Variants in CSK observed in about 807,000 individuals in gnomAD.
CSK encodes C-terminal Src kinase, also known as tyrosine-protein kinase CSK.
CSK carries 7 observed loss-of-function variants against 62.3 expected under a neutral mutation model. The ratio of observed to expected loss-of-function variants is 0.11; its 90% confidence interval spans 0.06 to 0.21. The LOEUF is 0.21. Among genes scored for constraint, CSK ranks in the 10% least tolerant of loss-of-function variants. The pLI is 1.00. For missense variants in CSK, 294 were observed against 613.5 expected (o/e 0.48, Z 5.50); for synonymous variants, 237 against 246.0 (o/e 0.96, Z 0.34).
At chr15:74,801,365 A>G (rs1048771822) in intron 9 of CSK, among the ~76,000 whole-genome samples, 157 bp from the exon 10 acceptor site, 4 of 152,140 alleles carry the variant, frequency 2.6e-5, no homozygotes, top group African/African-American at 9.7e-5. Context: ...CATGAATAAC[A>G]CAGAGCAGTG....
At chr15:74,801,921 G>A (rs1188722635) in intron 11 of CSK, 31 bp downstream of exon 11, 3 of 1,609,370 alleles carry the variant, frequency 1.9e-6, no homozygotes, top group South Asian at 1.1e-5. Flanking sequence ...GGCCTACAGA[G>A]GTGGGCAGGA....
intron 1 of CSK, among the ~76,000 whole-genome samples, chr15:74,791,353 T>C (rs1355288971): frequency 6.6e-6 from 1 of 152,238 alleles, no homozygotes; most frequent in Admixed American, 6.5e-5. Context: ...ATTTGCCAGT[T>C]CTTAACATTT....
intron 6 of CSK, 72 bp downstream of exon 6, chr15:74,800,577 C>T (rs1596373057): frequency 6.4e-7 from 1 of 1,554,048 alleles, no homozygotes; most frequent in Non-Finnish European, 8.7e-7. Flanking sequence ...ACTGCCCCAT[C>T]CAGGAACCTC....
intron 12 of CSK, 36 bp from the exon 13 acceptor site, chr15:74,802,295 G>C (rs1297808982): frequency 6.5e-7 from 1 of 1,542,584 alleles, no homozygotes; most frequent in East Asian, 2.3e-5. Context: ...TCTGAGGCCA[G>C]GGCCTGGACT....
chr15:74,786,016 TGTGTG>T (rs2063516105), intron 1 of CSK, among the ~76,000 whole-genome samples: 2 of 124,330 alleles, frequency 1.6e-5, no homozygotes, highest in Admixed American at 8.1e-5. Flanking sequence ...TTTTTTTTTG[TGTGTG>T]TGTGTGTGTG....
intron 1 of CSK, chr15:74,797,963 C>G (rs1201315402): frequency 8.2e-6 from 2 of 242,490 alleles, no homozygotes; most frequent in Admixed American, 1.0e-4. Flanking sequence ...TGTCCATTGT[C>G]CCACTAGCCC....
Position 74,783,157 on chromosome 15 carries a change from T to C in CSK, c.-66+437T>C, listed in dbSNP as rs575484924. ...ATTACCCCACCATGACCCTGCGGGC[T>C]GCAAGCAAGCCCAGGGCCCAGCCAC... On this transcript the variant is annotated intron_variant, in intron 1 of 12. Transcript: ENST00000220003. Among the ~76,000 whole-genome samples, 5 of 152,308 alleles carry C rather than the reference T, an allele frequency of 3.3e-5. No individual in the cohort carries two copies. The South Asian group carries it at 8.3e-4, about 25-fold the overall frequency.
chr15:74,792,001 T>C (rs1341447890), intron 1 of CSK, among the ~76,000 whole-genome samples: 1 of 152,200 alleles, frequency 6.6e-6, no homozygotes, highest in African/African-American at 2.4e-5. Flanking sequence ...CCCTGGCAAC[T>C]TTTTCTTCAA....
At chr15:74,788,059 G>A (rs2063551976) in intron 1 of CSK, among the ~76,000 whole-genome samples, 2 of 152,208 alleles carry the variant, frequency 1.3e-5, no homozygotes, top group South Asian at 4.1e-4. Flanking sequence ...GTGGGCTGGG[G>A]CAGCCTGGAG....
chr15:74,785,875 G>A (rs1031169175), intron 1 of CSK, among the ~76,000 whole-genome samples: 2 of 152,130 alleles, frequency 1.3e-5, no homozygotes, highest in African/African-American at 4.8e-5. Flanking sequence ...GGCTGGCCTA[G>A]GACATGGGGC....
rs2063792564 is a variant in CSK, at chr15:74,801,511, C to G, written c.814-11C>G. ...TCTGACCTCGGCCTGGTCTGTCCTTCCTGCCCCCAGGGGAGCCTTGTGGAC... is the reference window on the plus strand; with the variant it reads ...TCTGACCTCGGCCTGGTCTGTCCTTGCTGCCCCCAGGGGAGCCTTGTGGAC... On this transcript the variant is annotated splice_polypyrimidine_tract_variant and intron_variant, in intron 9 of 12. Coordinates refer to ENST00000220003, the MANE Select transcript of CSK (RefSeq NM_004383.3). 1 of 1,609,844 alleles carries G rather than the reference C, an allele frequency of 6.2e-7. No homozygotes were observed. Among genetic ancestry groups the G allele is most frequent in the African/African-American group, 1.3e-5 (1 of 74,804 alleles).
rs1596374225 is a variant in CSK, at chr15:74,802,749, C to A, written c.*236C>A. 2.1e-6 allele frequency: 1 copy of A among 477,210 alleles called. No homozygotes were observed. The highest frequency in any genetic ancestry group is 3.6e-6 in the Non-Finnish European group (1 of 275,652). 29.6% of individuals were successfully genotyped at this position (477,210 alleles called of 1,614,324 possible). A position where few individuals can be genotyped will look rare whatever the true frequency, so the allele number is the denominator to read the frequency against. On this transcript the variant is annotated 3_prime_UTR_variant, in exon 13 of 13. Coordinates refer to ENST00000220003, the MANE Select transcript of CSK (RefSeq NM_004383.3). ...GAGGCCACGGAGCGGGAGGCAGCGC[C>A]CCACCACGTCGGGCTTCCCTGGCCT...
At position 74,782,400 on chromosome 15, in the gene CSK, C is replaced by T. The variant is rs1386337256; in HGVS notation, c.-386C>T. ...CCGGGGCGGCCCCCGGCAGCCAGCG[C>T]GACGTTCCAAAATCGAACCTCAGTG... On this transcript the variant is annotated 5_prime_UTR_variant, in exon 1 of 13. Coordinates refer to ENST00000220003, the MANE Select transcript of CSK (RefSeq NM_004383.3). The surrounding 1 kb of genome is among the most constrained non-coding windows in gnomAD (Gnocchi z 5.7). 1 of 151,476 alleles carries T rather than the reference C, an allele frequency of 6.6e-6. No individual in the cohort carries two copies. The highest frequency in any genetic ancestry group is 2.4e-5 in the African/African-American group (1 of 41,346). 9.4% of individuals were successfully genotyped at this position (151,476 alleles called of 1,614,324 possible).
intron 12 of CSK, 43 bp downstream of exon 12, chr15:74,802,126 GA>G: frequency 6.3e-7 from 1 of 1,595,118 alleles, no homozygotes; most frequent in Non-Finnish European, 8.6e-7. Context: ...TGGAGCACCG[GA>G]GGGGTTGGCA....
chr15:74,798,674 G>A lies in CSK; in HGVS notation c.75G>A (p.Glu25=). 6.2e-7 allele frequency: 1 copy of A among 1,613,760 alleles called. No homozygotes were observed. The highest frequency in any genetic ancestry group is 8.5e-7 in the Non-Finnish European group (1 of 1,180,034). The change falls in exon 3 of 13, where the codon GAG becomes GAA. Residue 25 remains glutamate, a synonymous_variant. Transcript: ENST00000220003. The surrounding 1 kb of genome is among the most constrained non-coding windows in gnomAD (Gnocchi z 6.6). ...AGTACAACTTCCACGGCACTGCCGA[G>A]CAGGACCTGCCCTTCTGCAAAGGAG... ...IAKYNFHGTA[E]QDLPFCKGDV...
intron 1 of CSK, among the ~76,000 whole-genome samples, chr15:74,788,364 G>A (rs1391377223): frequency 6.6e-6 from 1 of 152,196 alleles, no homozygotes; most frequent in Non-Finnish European, 1.5e-5. Flanking sequence ...CACAAGGAAA[G>A]GTGGGAAGAA....
rs2063445506 is a variant in CSK, at chr15:74,782,238, C to G, written c.-548C>G. The G allele has an allele frequency of 6.7e-6, 1 of 149,004 alleles. No individual in the cohort carries two copies. Among genetic ancestry groups the G allele is most frequent in the Non-Finnish European group, 1.5e-5 (1 of 66,516 alleles). 9.2% of individuals were successfully genotyped at this position (149,004 alleles called of 1,614,324 possible). A position where few individuals can be genotyped will look rare whatever the true frequency, so the allele number is the denominator to read the frequency against. On this transcript the variant is annotated 5_prime_UTR_variant, in exon 1 of 13. Coordinates refer to ENST00000220003, the MANE Select transcript of CSK (RefSeq NM_004383.3). The surrounding 1 kb of genome is among the most constrained non-coding windows in gnomAD (Gnocchi z 5.7). ...CGGGGGCTTCTGCCGGGGTGGGGTC[C>G]GAGCCGGGCGACCGCCCGGCTGCGC...
rs2063792627 is a variant in CSK at position 74,801,513 on chromosome 15, T to A, written c.814-9T>A. The A allele has an allele frequency of 6.2e-7, 1 of 1,610,408 alleles. No homozygotes were observed. Among genetic ancestry groups the A allele is most frequent in the African/African-American group, 1.3e-5 (1 of 74,796 alleles). On this transcript the variant is annotated splice_polypyrimidine_tract_variant and intron_variant, in intron 9 of 12. Transcript: ENST00000220003. The stretch of plus-strand genomic sequence containing the variant: ...TGACCTCGGCCTGGTCTGTCCTTCC[T>A]GCCCCCAGGGGAGCCTTGTGGACTA...
chr15:74,791,587 T>C (rs1044584098), intron 1 of CSK, among the ~76,000 whole-genome samples: 1 of 152,250 alleles, frequency 6.6e-6, no homozygotes, highest in Non-Finnish European at 1.5e-5. Context: ...TTTTTATAGC[T>C]GTCCCCCCGA....
Sources: allele counts gnomAD v4.1 joint callset (sites outside exome capture counted in the v4.1 genomes callset), GRCh38; gene constraint gnomAD v4.1.1; non-coding constraint Gnocchi (gnomAD v3.1); transcripts MANE v1.5; gene names NCBI Gene and HGNC (gene_info 2026-07-23, HGNC 2026-07-21).